The following TAFA1 variants were observed in gnomAD, a reference collection of about 807,000 sequenced individuals.
TAFA1 encodes the protein chemokine-like protein TAFA-1.
TAFA1 carries 4 observed loss-of-function variants against 18.5 expected under a neutral mutation model. The ratio of observed to expected loss-of-function variants is 0.22; its 90% CI spans 0.11 to 0.49. The LOEUF (loss-of-function observed/expected upper bound fraction) is 0.49. TAFA1 is among the 20% of genes least tolerant of loss of function. The pLI is 0.98. For synonymous variants in TAFA1, 56 were observed against 55.2 expected, an observed-to-expected ratio of 1.01 and a Z score of -0.06; for missense variants, 147 against 169.0, an observed-to-expected ratio of 0.87 and a Z score of 0.72.
At chr3:68,450,904 A>T (rs1004636934) in intron 3 of TAFA1, among the ~76,000 whole-genome samples, 1 of 152,230 alleles carries the variant, frequency 6.6e-6, no homozygotes, top group African/African-American at 2.4e-5. Flanking sequence ...AACTCATTTG[A>T]AACTACAATC....
chr3:68,186,194 T>G (rs4855341), intron 2 of TAFA1, among the ~76,000 whole-genome samples: 12,628 of 152,108 alleles, frequency 0.083, 731 homozygotes, highest in East Asian at 0.35. Flanking sequence ...TCTTTTATAA[T>G]ACATTTCTAC....
At chr3:68,431,725 C>A (rs2071176287) in intron 3 of TAFA1, among the ~76,000 whole-genome samples, 1 of 151,982 alleles carries the variant, frequency 6.6e-6, no homozygotes, top group South Asian at 2.1e-4. Flanking sequence ...CTAATTCTGC[C>A]ACTGATTAGT....
intron 2 of TAFA1, among the ~76,000 whole-genome samples, chr3:68,185,410 A>G (rs1014110972): frequency 3.0e-4 from 46 of 152,258 alleles, no homozygotes; most frequent in African/African-American, 1.1e-3. Context: ...CAAGGATGGT[A>G]TAAGGCTGTG....
chr3:68,237,532 G>T (rs998133095), intron 2 of TAFA1, among the ~76,000 whole-genome samples: 1 of 152,136 alleles, frequency 6.6e-6, no homozygotes, highest in Non-Finnish European at 1.5e-5. Flanking sequence ...GGATAACAAG[G>T]CATGTATGTA....
chr3:68,512,941 C>A (rs2072871336), intron 3 of TAFA1, among the ~76,000 whole-genome samples: 1 of 152,128 alleles, frequency 6.6e-6, no homozygotes, highest in Non-Finnish European at 1.5e-5. Context: ...CACCAGTGTT[C>A]TCTCAGGCAA....
chr3:68,184,381 TAG>T (rs2066243791), intron 2 of TAFA1, among the ~76,000 whole-genome samples: 1 of 152,080 alleles, frequency 6.6e-6, no homozygotes, highest in Admixed American at 6.6e-5. Flanking sequence ...AGAAAATTAT[TAG>T]AGTCTGTATT....
intron 3 of TAFA1, among the ~76,000 whole-genome samples, chr3:68,438,207 A>C (rs936562388): frequency 2.6e-5 from 4 of 151,978 alleles, no homozygotes; most frequent in African/African-American, 9.7e-5. Context: ...AAAATACAAA[A>C]ATTCATTGGG....
intron 2 of TAFA1, among the ~76,000 whole-genome samples, chr3:68,205,040 G>A (rs1174847923): frequency 6.6e-6 from 1 of 151,824 alleles, no homozygotes; most frequent in African/African-American, 2.4e-5. Flanking sequence ...GACCTTGAAT[G>A]TAATGTGTTG....
intron 2 of TAFA1, among the ~76,000 whole-genome samples, chr3:68,238,599 T>G (rs1302284517): frequency 6.6e-6 from 1 of 152,172 alleles, no homozygotes; most frequent in African/African-American, 2.4e-5. Context: ...GACTGTTTAA[T>G]CAAAAGCTGG....
At chr3:68,537,434 G>T (rs2073293977) in intron 3 of TAFA1, among the ~76,000 whole-genome samples, 1 of 152,180 alleles carries the variant, frequency 6.6e-6, no homozygotes, top group Admixed American at 6.5e-5. Context: ...GGTAAATCAG[G>T]TTATATGGCA....
In TAFA1 at chr3:68,267,005, A is replaced by G. The variant is rs117569426; in HGVS notation, c.119-150275A>G. 5.6e-3 allele frequency among the ~76,000 whole-genome samples: 853 copies of G among 152,282 alleles called. 42 individuals carry two copies. The East Asian group carries it at 0.11, about 20-fold the overall frequency. The stretch of plus-strand genomic sequence containing the variant: ...AAGGTACAGGGGGCTTTGGGTGCCA[A>G]TAAAAACAGATTTCCCATTGATTGA... On this transcript the variant is annotated intron_variant, in intron 2 of 4. Transcript: ENST00000478136.
At chr3:68,064,770 A>G (rs2064652908) in intron 2 of TAFA1, among the ~76,000 whole-genome samples, 1 of 151,824 alleles carries the variant, frequency 6.6e-6, no homozygotes, top group Non-Finnish European at 1.5e-5. Flanking sequence ...GGTTTATGCC[A>G]TTGTATAATA....
At chr3:68,241,745 T>G (rs935955175) in intron 2 of TAFA1, among the ~76,000 whole-genome samples, 6 of 152,162 alleles carry the variant, frequency 3.9e-5, no homozygotes, top group Non-Finnish European at 7.4e-5. Context: ...GGAAAGGATG[T>G]GTGGCAGGCA....
chr3:68,306,648 G>A (rs2068428045), intron 2 of TAFA1, among the ~76,000 whole-genome samples: 1 of 152,124 alleles, frequency 6.6e-6, no homozygotes, highest in African/African-American at 2.4e-5. Flanking sequence ...AGGAGCTAAA[G>A]CTGGTCTCTG....
chr3:68,245,080 T>TA (rs2067050688), intron 2 of TAFA1, among the ~76,000 whole-genome samples: 1 of 152,202 alleles, frequency 6.6e-6, no homozygotes, highest in Admixed American at 6.5e-5. Flanking sequence ...AGAAGACCCT[T>TA]AAAAATACGT....
chr3:68,480,273 C>G (rs186381308), intron 3 of TAFA1, among the ~76,000 whole-genome samples: 140 of 151,646 alleles, frequency 9.2e-4, no homozygotes, highest in Middle Eastern at 3.5e-3. Context: ...CATGTTGGCA[C>G]TCACCTGTAA....
intron 2 of TAFA1, among the ~76,000 whole-genome samples, chr3:68,089,274 T>C (rs1470419340): frequency 6.6e-6 from 1 of 152,170 alleles, no homozygotes; most frequent in South Asian, 2.1e-4. Context: ...ATTTGTAAAA[T>C]TGAGGTAATA....
intron 2 of TAFA1, among the ~76,000 whole-genome samples, chr3:68,351,482 A>G (rs1483272339): frequency 3.3e-5 from 5 of 152,078 alleles, no homozygotes; most frequent in Admixed American, 3.3e-4. Flanking sequence ...GACACCTGTT[A>G]CAAAAGATAG....
intron 3 of TAFA1, among the ~76,000 whole-genome samples, chr3:68,444,038 CT>C (rs1409954485): frequency 6.6e-6 from 1 of 152,132 alleles, no homozygotes; most frequent in Non-Finnish European, 1.5e-5. Flanking sequence ...GGGAGAAGCC[CT>C]TGGTCCCTTT....
Sources: gnomAD v4.1 joint callset for allele counts (sites outside exome capture counted in the v4.1 genomes callset) on GRCh38, gnomAD v4.1.1 for gene constraint, MANE v1.5 for transcripts, NCBI Gene and HGNC (gene_info 2026-07-23, HGNC 2026-07-21) for gene names.